The following KCNIP1 variants were observed in gnomAD, a reference collection of about 807,000 sequenced individuals.
The protein encoded by KCNIP1 is potassium voltage-gated channel interacting protein 1, also known as A-type potassium channel modulatory protein KCNIP1.
KCNIP1 carries 18 observed loss-of-function variants against 33.0 expected under a neutral mutation model. The ratio of observed to expected loss-of-function variants is 0.55; its 90% CI spans 0.38 to 0.81. The LOEUF is 0.81. KCNIP1 is among the 30% of genes least tolerant of loss of function. The pLI is 0.00. For synonymous variants in KCNIP1, 93 were observed against 98.3 expected (o/e 0.95, Z 0.32); for missense variants, 238 against 271.6 (o/e 0.88, Z 0.87).
At chr5:170,651,211 C>A (rs1761029968) in intron 1 of KCNIP1, among the ~76,000 whole-genome samples, 1 of 152,188 alleles carries the variant, frequency 6.6e-6, no homozygotes, top group South Asian at 2.1e-4. Context: ...ATAAACTAGA[C>A]AAGTCACCAA....
intron 1 of KCNIP1, among the ~76,000 whole-genome samples, chr5:170,555,074 G>T (rs59903219): frequency 3.3e-5 from 5 of 152,214 alleles, no homozygotes; most frequent in Non-Finnish European, 7.4e-5. Flanking sequence ...GCAGAATCAC[G>T]TTCGTTCCCA....
At chr5:170,643,370 T>A (rs1192018854) in intron 1 of KCNIP1, among the ~76,000 whole-genome samples, 1 of 129,976 alleles carries the variant, frequency 7.7e-6, no homozygotes, top group Non-Finnish European at 1.6e-5. Flanking sequence ...GCTAGCAAAT[T>A]TGCAGTAATT....
intron 1 of KCNIP1, among the ~76,000 whole-genome samples, chr5:170,645,023 G>A (rs1469711538): frequency 1.3e-5 from 2 of 152,212 alleles, no homozygotes; most frequent in African/African-American, 4.8e-5. Flanking sequence ...TGCTGGCTCA[G>A]TGGCTAATTT....
intron 1 of KCNIP1, among the ~76,000 whole-genome samples, chr5:170,512,234 T>C (rs1240359682): frequency 6.6e-6 from 1 of 152,266 alleles, no homozygotes; most frequent in East Asian, 1.9e-4. Flanking sequence ...CTTCCAAGTA[T>C]GTTAGAATTG....
upstream of KCNIP1, among the ~76,000 whole-genome samples, chr5:170,500,323 C>T (rs937161165): frequency 1.3e-5 from 2 of 152,166 alleles, no homozygotes; most frequent in Non-Finnish European, 2.9e-5. Context: ...GGGACACAAA[C>T]ATTCAGTCCA....
intron 1 of KCNIP1, among the ~76,000 whole-genome samples, chr5:170,477,323 CATATAT>C (rs1000816477): frequency 6.7e-6 from 1 of 149,534 alleles, no homozygotes; most frequent in South Asian, 2.1e-4. Context: ...ATATATATTA[CATATAT>C]ATATATACAC....
intron 1 of KCNIP1, among the ~76,000 whole-genome samples, chr5:170,589,532 A>G (rs1758127038): frequency 6.6e-6 from 1 of 152,210 alleles, no homozygotes; most frequent in African/African-American, 2.4e-5. Context: ...TAAATAGAGA[A>G]GGTCAGAGAT....
chr5:170,718,635 G>A (rs1763710553), intron 1 of KCNIP1, 123 bp from the exon 2 acceptor site: 3 of 1,148,546 alleles, frequency 2.6e-6, no homozygotes, highest in African/African-American at 3.1e-5. Flanking sequence ...CATTGGCAGT[G>A]TGACCCCAGC....
intron 1 of KCNIP1, among the ~76,000 whole-genome samples, chr5:170,367,421 G>GAAA (rs1554086776): frequency 0.024 from 1,757 of 73,934 alleles, 22 homozygotes; most frequent in East Asian, 0.034. Flanking sequence ...AAGAAAGAAA[G>GAAA]GAAAGAAAGA....
At chr5:170,608,699 G>A (rs1455777663) in intron 1 of KCNIP1, among the ~76,000 whole-genome samples, 1 of 151,992 alleles carries the variant, frequency 6.6e-6, no homozygotes, top group African/African-American at 2.4e-5. Flanking sequence ...TTGAACCCGG[G>A]AGGCAGAGGT....
At chr5:170,643,967 C>G (rs923990684) in intron 1 of KCNIP1, among the ~76,000 whole-genome samples, 10 of 152,196 alleles carry the variant, frequency 6.6e-5, no homozygotes, top group Non-Finnish European at 1.3e-4. Context: ...CCAGTGCTCA[C>G]TGGGTGGGTC....
Position 170,358,269 on chromosome 5 carries a change from G to A in KCNIP1, c.88+4305G>A, listed in dbSNP as rs539349031. Among the ~76,000 whole-genome samples, 3 of 152,330 alleles carry A rather than the reference G, an allele frequency of 2.0e-5. No homozygotes were observed. In the East Asian group the frequency reaches 5.8e-4, roughly 29 times the overall value. ...CTCCAGGCCACCCATGAGGCTGCGGGGGTGGGGAAAAGGGGTGTGGGAAGA... is the reference window on the plus strand; with the variant it reads ...CTCCAGGCCACCCATGAGGCTGCGGAGGTGGGGAAAAGGGGTGTGGGAAGA... On this transcript the variant is annotated intron_variant, in intron 1 of 7. Coordinates refer to the KCNIP1 transcript ENST00000377360.
At chr5:170,460,954 A>G (rs1756489449) in intron 1 of KCNIP1, among the ~76,000 whole-genome samples, 1 of 152,242 alleles carries the variant, frequency 6.6e-6, no homozygotes, top group African/African-American at 2.4e-5. Context: ...AGAATTCAGC[A>G]AAGTTTTGAA....
At chr5:170,531,526 C>T (rs981144620) in intron 1 of KCNIP1, among the ~76,000 whole-genome samples, 2 of 152,176 alleles carry the variant, frequency 1.3e-5, no homozygotes, top group African/African-American at 2.4e-5. Context: ...GCAAGCCCAC[C>T]ACTAACAATT....
At chr5:170,537,441 C>T (rs542542553) in intron 1 of KCNIP1, among the ~76,000 whole-genome samples, 1 of 152,340 alleles carries the variant, frequency 6.6e-6, no homozygotes, top group Admixed American at 6.5e-5. Context: ...ACCACTGAGC[C>T]TCAGTTTCTC....
At chr5:170,456,046 C>T (rs907879161) in intron 1 of KCNIP1, among the ~76,000 whole-genome samples, 4 of 152,222 alleles carry the variant, frequency 2.6e-5, no homozygotes. Flanking sequence ...ATGGCAAAGA[C>T]TTGGAACCAA....
chr5:170,355,278 G>A (rs1763316040), intron 1 of KCNIP1, among the ~76,000 whole-genome samples: 1 of 152,220 alleles, frequency 6.6e-6, no homozygotes, highest in African/African-American at 2.4e-5. Flanking sequence ...GTAAACAGGA[G>A]GTTAATGGGT....
At chr5:170,600,394 G>A (rs1348829133) in intron 1 of KCNIP1, among the ~76,000 whole-genome samples, 3 of 151,890 alleles carry the variant, frequency 2.0e-5, no homozygotes, top group African/African-American at 4.8e-5. Flanking sequence ...TTCCTTTTTT[G>A]TTTTTTTCTC....
chr5:170,577,563 CA>C (rs913152605), intron 1 of KCNIP1, among the ~76,000 whole-genome samples: 21 of 152,130 alleles, frequency 1.4e-4, no homozygotes, highest in Admixed American at 9.2e-4. Context: ...AATTCTGACT[CA>C]GGGGCAATAA....
Sources: allele counts gnomAD v4.1 joint callset (sites outside exome capture counted in the v4.1 genomes callset), GRCh38; gene constraint gnomAD v4.1.1; transcripts MANE v1.5; gene names NCBI Gene and HGNC (gene_info 2026-07-23, HGNC 2026-07-21).